The following CTTNBP2NL variants were observed in gnomAD, a reference collection of about 807,000 sequenced individuals.
CTTNBP2NL encodes CTTNBP2 N-terminal-like protein.
Under a neutral mutation model 32.5 loss-of-function variants are expected in CTTNBP2NL, and 16 were observed. The observed-to-expected ratio is 0.49, with a 90% confidence interval of 0.33 to 0.75. CTTNBP2NL has a LOEUF of 0.75. CTTNBP2NL is among the 30% of genes least tolerant of loss of function. The pLI is 0.02. For missense variants in CTTNBP2NL, 645 were observed against 756.0 expected, an observed-to-expected ratio of 0.85 and a Z score of 1.72; for synonymous variants, 298 against 289.4, an observed-to-expected ratio of 1.03 and a Z score of -0.30.
In CTTNBP2NL at chr1:112,460,686, G is replaced by T. The variant is rs1258283998; in HGVS notation, c.*3274G>T. On this transcript the variant is annotated 3_prime_UTR_variant, in exon 6 of 6. Coordinates refer to ENST00000271277, the MANE Select transcript of CTTNBP2NL (RefSeq NM_018704.3). Reference sequence around the variant, plus strand: ...AATGCATCCCTTTTCAACTACTCCAGCGCTGTTGCTGCTGCAATGTTAGCA... The same window carrying T: ...AATGCATCCCTTTTCAACTACTCCATCGCTGTTGCTGCTGCAATGTTAGCA... 2 of 152,180 alleles carry T rather than the reference G, an allele frequency of 1.3e-5. No homozygotes were observed. Among genetic ancestry groups the T allele is most frequent in the African/African-American group, 4.8e-5 (2 of 41,456 alleles). The allele number at this position is 152,180 out of a possible 1,614,324, so 9.4% of individuals were successfully genotyped here.
At position 112,459,863 on chromosome 1, in the gene CTTNBP2NL, GAATAA is replaced by G. The variant is rs1650496536; in HGVS notation, c.*2452_*2456del. The G allele has an allele frequency of 6.6e-6, 1 of 152,192 alleles. No homozygotes were observed. 9.4% of individuals were successfully genotyped at this position (152,192 alleles called of 1,614,324 possible). A position where few individuals can be genotyped will look rare whatever the true frequency, so the allele number is the denominator to read the frequency against. On this transcript the variant is annotated 3_prime_UTR_variant, in exon 6 of 6. Transcript: ENST00000271277. The stretch of plus-strand genomic sequence containing the variant: ...AAGTTTATTTCTTAGGAAGTGCACT[GAATAA>G]TGTATTTCTTTTACAGTGTAATATG...
At chr1:112,433,789 A>ATAATTACTATGC in intron 3 of CTTNBP2NL, among the ~76,000 whole-genome samples, 1 of 152,178 alleles carries the variant, frequency 6.6e-6, no homozygotes, top group South Asian at 2.1e-4. Flanking sequence ...CTTACTTTTT[A>ATAATTACTATGC]TAATTACTAT....
chr1:112,457,029 A>G lies in CTTNBP2NL; in HGVS notation c.1537A>G (p.Thr513Ala). ...NTVTQVLSRF[T>A]SQQGPIKPVS... ...AGTCACTCAGGTGCTCTCCAGATTCACTAGCCAACAAGGGCCAATCAAGCC... is the reference window on the plus strand; with the variant it reads ...AGTCACTCAGGTGCTCTCCAGATTCGCTAGCCAACAAGGGCCAATCAAGCC... Residue 513 changes from threonine to alanine, a missense_variant, in exon 6 of 6, where the codon ACT (threonine) becomes GCT (alanine). By Grantham distance (58) the Thr-to-Ala change is moderately conservative (BLOSUM62 0). Coordinates refer to ENST00000271277, the MANE Select transcript of CTTNBP2NL (RefSeq NM_018704.3). 6.2e-7 allele frequency: 1 copy of G among 1,614,130 alleles called. No individual in the cohort carries two copies. Among genetic ancestry groups the G allele is most frequent in the Admixed American group, 1.7e-5 (1 of 60,012 alleles).
At chr1:112,440,473 C>T (rs1163612746) in intron 3 of CTTNBP2NL, among the ~76,000 whole-genome samples, 1 of 152,148 alleles carries the variant, frequency 6.6e-6, no homozygotes, top group Non-Finnish European at 1.5e-5. Context: ...TGGACAGTAA[C>T]ACATATTAAA....
chr1:112,453,754 G>A (rs1420370382), intron 4 of CTTNBP2NL, among the ~76,000 whole-genome samples: 3 of 151,988 alleles, frequency 2.0e-5, no homozygotes, highest in Non-Finnish European at 4.4e-5. Flanking sequence ...ACCCTGTCTC[G>A]AAAAATAAAT....
intron 3 of CTTNBP2NL, among the ~76,000 whole-genome samples, chr1:112,447,274 A>C (rs1415071067): frequency 3.0e-5 from 1 of 33,756 alleles, no homozygotes; most frequent in Non-Finnish European, 9.8e-5. Context: ...ACTCCATCTA[A>C]AAAAAAAAAA....
At chr1:112,392,630 C>T (rs929791375), upstream of CTTNBP2NL, among the ~76,000 whole-genome samples, 2 of 152,028 alleles carry the variant, frequency 1.3e-5, no homozygotes, top group African/African-American at 2.4e-5. Context: ...ATAGAGTAGG[C>T]TCTAAGTACA....
upstream of CTTNBP2NL, among the ~76,000 whole-genome samples, chr1:112,391,990 CAATAAATA>C (rs140750530): frequency 1.3e-4 from 20 of 149,192 alleles, no homozygotes; most frequent in East Asian, 5.9e-4. Context: ...GACCCTGTCT[CAATAAATA>C]AATAAATAAA....
chr1:112,417,220 A>G (rs896446743), intron 3 of CTTNBP2NL, among the ~76,000 whole-genome samples: 1 of 152,140 alleles, frequency 6.6e-6, no homozygotes, highest in Non-Finnish European at 1.5e-5. Context: ...TTATGTGTCT[A>G]TTTACTAATC....
At chr1:112,454,425 T>A in intron 4 of CTTNBP2NL, 24 bp from the exon 5 acceptor site, 1 of 1,572,112 alleles carries the variant, frequency 6.4e-7, no homozygotes, top group South Asian at 1.1e-5. Flanking sequence ...TATTTGAAAA[T>A]GAAATTTAAA....
intron 3 of CTTNBP2NL, among the ~76,000 whole-genome samples, chr1:112,425,742 A>AACCCCGGCTACTAGGGAGGCTG (rs1047424349): frequency 6.6e-6 from 1 of 151,858 alleles, no homozygotes; most frequent in Non-Finnish European, 1.5e-5. Context: ...GTGCATCTGT[A>AACCCCGGCTACTAGGGAGGCTG]ACCCCGGCTA....
At chr1:112,397,937 C>T (rs1039498523) in intron 1 of CTTNBP2NL, among the ~76,000 whole-genome samples, 3 of 152,174 alleles carry the variant, frequency 2.0e-5, no homozygotes, top group Non-Finnish European at 4.4e-5. Flanking sequence ...GTTTTCAGAG[C>T]CACTCGGTGC....
chr1:112,411,280 G>C (rs967638515), intron 1 of CTTNBP2NL, among the ~76,000 whole-genome samples: 14 of 152,002 alleles, frequency 9.2e-5, no homozygotes, highest in African/African-American at 3.4e-4. Context: ...AACTCAAATG[G>C]GCTTTCAGAC....
chr1:112,439,627 C>T (rs1649837489), intron 3 of CTTNBP2NL, among the ~76,000 whole-genome samples: 1 of 152,168 alleles, frequency 6.6e-6, no homozygotes. Context: ...GAGCCCAGCA[C>T]ATCTCCAATA....
intron 3 of CTTNBP2NL, among the ~76,000 whole-genome samples, chr1:112,437,519 T>G (rs6695156): frequency 0.52 from 79,217 of 151,472 alleles, 22,651 homozygotes; most frequent in South Asian, 0.7. Context: ...GTTCCTTTGT[T>G]TTTTTTTGTT....
chr1:112,408,366 A>G (rs985960895), intron 1 of CTTNBP2NL, among the ~76,000 whole-genome samples: 2 of 151,926 alleles, frequency 1.3e-5, no homozygotes, highest in Non-Finnish European at 2.9e-5. Flanking sequence ...CTAGTGGCAC[A>G]TTGACATGTT....
intron 1 of CTTNBP2NL, among the ~76,000 whole-genome samples, chr1:112,406,925 A>G (rs566556579): frequency 6.6e-5 from 10 of 152,350 alleles, no homozygotes; most frequent in African/African-American, 2.2e-4. Flanking sequence ...GGCCTGCTTC[A>G]AAGTCTATGT....
intron 1 of CTTNBP2NL, among the ~76,000 whole-genome samples, chr1:112,408,308 G>A (rs985391339): frequency 7.0e-6 from 1 of 142,130 alleles, no homozygotes; most frequent in Non-Finnish European, 1.5e-5. Context: ...CTCCCAAAGT[G>A]CTGAGATTAC....
chr1:112,450,987 A>G (rs975901837), intron 4 of CTTNBP2NL, among the ~76,000 whole-genome samples: 6 of 151,912 alleles, frequency 3.9e-5, no homozygotes, highest in African/African-American at 1.2e-4. Flanking sequence ...TTAGTTATTA[A>G]CCATATTCCC....
Sources: allele counts gnomAD v4.1 joint callset (sites outside exome capture counted in the v4.1 genomes callset), GRCh38; gene constraint gnomAD v4.1.1; transcripts MANE v1.5; gene names NCBI Gene and HGNC (gene_info 2026-07-23, HGNC 2026-07-21).